BTN1A1: variants seen among roughly 807,000 people sequenced by gnomAD.
BTN1A1 encodes butyrophilin subfamily 1 member A1, also known as bK14H9.2 (butyrophilin, subfamily 1, member A1).
A neutral mutation model predicts 33.1 loss-of-function variants in BTN1A1; 26 were observed. The ratio of observed to expected loss-of-function variants is 0.79; its 90% CI spans 0.58 to 1.09. The LOEUF is 1.09. BTN1A1 is among the 50% of genes least tolerant of loss of function. The pLI is 0.00. For missense variants in BTN1A1, 558 were observed against 655.7 expected (o/e 0.85, Z 1.63); for synonymous variants, 235 against 256.2 (o/e 0.92, Z 0.79).
chr6:26,505,107 G>A lies in BTN1A1; in HGVS notation c.610G>A (p.Ala204Thr). The change falls in exon 4 of 8, where the codon GCT (alanine) becomes ACT (threonine). Residue 204 changes from alanine to threonine, a missense_variant. By Grantham distance (58) the Ala-to-Thr change is moderately conservative (BLOSUM62 0). Transcript: ENST00000684113. Reference protein sequence around the residue: ...PDEEGLFTVAASVIIRDTSAK... With the variant: ...PDEEGLFTVATSVIIRDTSAK... ...TGAAGAAGGTTTGTTCACTGTGGCT[G>A]CTTCAGTGATCATCAGAGACACTTC... is the stretch of plus-strand genomic sequence containing the variant. 6.2e-7 allele frequency: 1 copy of A among 1,614,204 alleles called. No homozygotes were observed. The highest frequency in any genetic ancestry group is 8.5e-7 in the Non-Finnish European group (1 of 1,180,012).
rs1467525315 is a variant in BTN1A1 at position 26,510,067 on chromosome 6, G to T, written c.*893G>T. The T allele has an allele frequency of 6.6e-6, 1 of 152,542 alleles. No individual in the cohort carries two copies. The highest frequency in any genetic ancestry group is 1.9e-4 in the East Asian group (1 of 5,192). 9.4% of individuals were successfully genotyped at this position (152,542 alleles called of 1,614,324 possible). On this transcript the variant is annotated 3_prime_UTR_variant, in exon 8 of 8. Coordinates refer to ENST00000684113, the MANE Select transcript of BTN1A1 (RefSeq NM_001732.3). ...CTTCAGTGATATCACCACTTGCTCA[G>T]TCACCATCTCAACCTTATGTCACCT...
Position 26,502,051 on chromosome 6 carries a change from T to A in BTN1A1, c.427+114T>A, listed in dbSNP as rs1196816400. Reference sequence around the variant, plus strand: ...ATTCTCAAAATCTCTTTTAGGTTGATGTCGCCGGGGAGGGACGACTATCTG... The same window carrying A: ...ATTCTCAAAATCTCTTTTAGGTTGAAGTCGCCGGGGAGGGACGACTATCTG... On this transcript the variant is annotated intron_variant, in intron 3 of 7. Coordinates refer to ENST00000684113, the MANE Select transcript of BTN1A1 (RefSeq NM_001732.3). 2.2e-6 allele frequency: 3 copies of A among 1,363,998 alleles called. No homozygotes were observed. The African/African-American group carries it at 4.4e-5, about 20-fold the overall frequency. The allele number at this position is 1,363,998 out of a possible 1,614,324, so 84.5% of individuals were successfully genotyped here. A position where few individuals can be genotyped will look rare whatever the true frequency, so the allele number is the denominator to read the frequency against.
At chr6:26,502,349 CTG>C (rs963247153) in intron 3 of BTN1A1, among the ~76,000 whole-genome samples, 7 of 152,284 alleles carry the variant, frequency 4.6e-5, no homozygotes, top group African/African-American at 1.7e-4. Context: ...GGAAGGATGA[CTG>C]TGAGTTATTT....
chr6:26,503,673 CATAG>C (rs964962351), intron 3 of BTN1A1, among the ~76,000 whole-genome samples: 1 of 148,384 alleles, frequency 6.7e-6, no homozygotes, highest in African/African-American at 2.5e-5. Context: ...TATATATATA[CATAG>C]ATATATATTC....
At chr6:26,502,330 T>C (rs1016489397) in intron 3 of BTN1A1, among the ~76,000 whole-genome samples, 2 of 152,150 alleles carry the variant, frequency 1.3e-5, no homozygotes, top group African/African-American at 2.4e-5. Flanking sequence ...TTGGTGATAG[T>C]TGGACACAGG....
intron 5 of BTN1A1, 129 bp downstream of exon 5, chr6:26,506,961 C>A: frequency 1.7e-6 from 2 of 1,179,816 alleles, no homozygotes; most frequent in Non-Finnish European, 2.4e-6. Flanking sequence ...TGGCTCACGC[C>A]TGTAATCCCA....
chr6:26,509,214 C>T lies in BTN1A1; in HGVS notation c.*40C>T, dbSNP rs774631812. ...CATCTGTTTTCCTTTCCTCTAACCC[C>T]TCTCCTCCATAGCCTTCTGAGGCTT... On this transcript the variant is annotated 3_prime_UTR_variant, in exon 8 of 8. Coordinates refer to ENST00000684113, the MANE Select transcript of BTN1A1 (RefSeq NM_001732.3). 1.2e-5 allele frequency: 19 copies of T among 1,528,592 alleles called. 1 individual carries two copies. In the East Asian group the frequency reaches 1.4e-4, roughly 11 times the overall value. 94.7% of individuals were successfully genotyped at this position (1,528,592 alleles called of 1,614,324 possible). A position where few individuals can be genotyped will look rare whatever the true frequency, so the allele number is the denominator to read the frequency against.
intron 4 of BTN1A1, among the ~76,000 whole-genome samples, chr6:26,505,937 T>C (rs565825428): frequency 1.3e-5 from 2 of 151,320 alleles, no homozygotes; most frequent in Admixed American, 1.3e-4. Context: ...GCCAACATGG[T>C]GAAACCCCGC....
At chr6:26,505,566 A>C (rs550016897) in intron 4 of BTN1A1, among the ~76,000 whole-genome samples, 3 of 152,284 alleles carry the variant, frequency 2.0e-5, no homozygotes, top group Non-Finnish European at 4.4e-5. Context: ...CTGGGACGAC[A>C]AGTGCACACC....
chr6:26,501,574 G>A lies in BTN1A1; in HGVS notation c.80-16G>A, dbSNP rs976077095. The stretch of plus-strand genomic sequence containing the variant: ...CCATCTCCACATCCCGTCTGATCCC[G>A]CTCGTTTTTCGGCAGCTCCCTTTGA... On this transcript the variant is annotated splice_polypyrimidine_tract_variant and intron_variant, in intron 2 of 7. Transcript: ENST00000684113. The surrounding 1 kb of genome is among the most constrained non-coding windows in gnomAD (Gnocchi z 5.2). The A allele has an allele frequency of 1.9e-6, 3 of 1,611,458 alleles. No homozygotes were observed. The highest frequency in any genetic ancestry group is 1.7e-4 in the Middle Eastern group (1 of 6,012).
In BTN1A1 at chr6:26,506,694, CCAAGGCTGA is replaced by C. The variant is rs1406888767; in HGVS notation, c.723_731del (p.Arg242_Thr244del). The C allele has an allele frequency of 1.2e-6, 2 of 1,613,894 alleles. No individual in the cohort carries two copies. Among genetic ancestry groups the C allele is most frequent in the Non-Finnish European group, 1.7e-6 (2 of 1,179,982 alleles). ...GGATTTTGTTTTAGCTTCCTCCCTC[CCAAGGCTGA>C]CTCCCTGGATAGTGGCTGTGGCTGT... On this transcript the variant is annotated inframe_deletion, in exon 5 of 8. Coordinates refer to ENST00000684113, the MANE Select transcript of BTN1A1 (RefSeq NM_001732.3).
At chr6:26,506,958 C>A (rs937016166) in intron 5 of BTN1A1, 126 bp downstream of exon 5, 2 of 1,186,590 alleles carry the variant, frequency 1.7e-6, no homozygotes, top group Admixed American at 4.3e-5. Flanking sequence ...TGGTGGCTCA[C>A]GCCTGTAATC....
chr6:26,502,927 G>A (rs928686593), intron 3 of BTN1A1, among the ~76,000 whole-genome samples: 2 of 152,188 alleles, frequency 1.3e-5, no homozygotes, highest in African/African-American at 2.4e-5. Flanking sequence ...AGGAAAGTAC[G>A]CATTGAGGTC....
At position 26,501,618 on chromosome 6, in the gene BTN1A1, G is replaced by A. The variant is rs772346719; in HGVS notation, c.108G>A (p.Glu36=). 1.2e-6 allele frequency: 2 copies of A among 1,613,830 alleles called. No individual in the cohort carries two copies. Among genetic ancestry groups the A allele is most frequent in the Middle Eastern group, 1.7e-4 (1 of 6,054 alleles). The change falls in exon 3 of 8, where the codon GAG becomes GAA. Residue 36 remains glutamate (E), a synonymous_variant. Transcript: ENST00000684113. This position sits in a 1 kb window ranked among gnomAD's most constrained non-coding sequence, Gnocchi z 5.2. ...SAPFDVIGPP[E]PILAVVGEDA... is the part of the protein sequence containing the mutation. ...CCTTTGACGTGATTGGACCCCCGGA[G>A]CCCATCCTGGCCGTTGTGGGTGAGG... is the stretch of plus-strand genomic sequence containing the variant.
chr6:26,510,008 T>C lies in BTN1A1; in HGVS notation c.*834T>C, dbSNP rs997339273. The C allele has an allele frequency of 6.6e-6, 1 of 152,382 alleles. No homozygotes were observed. The highest frequency in any genetic ancestry group is 2.4e-5 in the African/African-American group (1 of 41,428). 9.4% of individuals were successfully genotyped at this position (152,382 alleles called of 1,614,324 possible). ...TTGTCCTCTTCTTTTTGTTATAGCATCTCTCTATTTCAAAGACATTCCTAG... is the reference window on the plus strand; with the variant it reads ...TTGTCCTCTTCTTTTTGTTATAGCACCTCTCTATTTCAAAGACATTCCTAG... On this transcript the variant is annotated 3_prime_UTR_variant, in exon 8 of 8. Coordinates refer to ENST00000684113, the MANE Select transcript of BTN1A1 (RefSeq NM_001732.3).
rs752870082 is a variant in BTN1A1 at position 26,501,778 on chromosome 6, G to A, written c.268G>A (p.Glu90Lys). ...CGAGCAGGAAGCCGAGCAGATGCCC[G>A]AGTACCGCGGGCGGGCGACGCTGGT... ...GREQEAEQMP[E>K]YRGRATLVQD... The change falls in exon 3 of 8, where the codon GAG (glutamate) becomes AAG (lysine). Residue 90 changes from glutamate (E) to lysine (K), a missense_variant. Glu to Lys is a moderately conservative substitution (Grantham distance 56, BLOSUM62 1). Coordinates refer to ENST00000684113, the MANE Select transcript of BTN1A1 (RefSeq NM_001732.3). This position sits in a 1 kb window ranked among gnomAD's most constrained non-coding sequence, Gnocchi z 5.2. 3 of 1,613,646 alleles carry A rather than the reference G, an allele frequency of 1.9e-6. No individual in the cohort carries two copies. Among genetic ancestry groups the A allele is most frequent in the East Asian group, 4.5e-5 (2 of 44,882 alleles).
In BTN1A1 at chr6:26,508,689, G is replaced by A. The variant is rs1763904063; in HGVS notation, c.1096G>A (p.Asp366Asn). ...GCATTACTGGGAGGTGGAGGTGGGA[G>A]ACAGGACTGACTGGGCAATCGGCGT... ...GRHYWEVEVG[D>N]RTDWAIGVCR... Residue 366 changes from aspartate to asparagine, a missense_variant, in exon 8 of 8, where the codon GAC (aspartate) becomes AAC (asparagine). Physicochemically the swap from Asp to Asn is conservative, Grantham distance 23. Transcript: ENST00000684113. 1.2e-6 allele frequency: 2 copies of A among 1,614,198 alleles called. No individual in the cohort carries two copies. The highest frequency in any genetic ancestry group is 1.3e-5 in the African/African-American group (1 of 75,058).
chr6:26,508,458 G>C, intron 7 of BTN1A1, 43 bp from the exon 8 acceptor site: 4 of 1,560,110 alleles, frequency 2.6e-6, no homozygotes, highest in Non-Finnish European at 3.5e-6. Context: ...CCTGCAACCT[G>C]TAATATTCAC....
chr6:26,505,124 A>G lies in BTN1A1; in HGVS notation c.627A>G (p.Arg209=), dbSNP rs761049165. ...LFTVAASVII[R]DTSAKNVSCY... is the part of the protein sequence containing the mutation. Reference sequence around the variant, plus strand: ...CTGTGGCTGCTTCAGTGATCATCAGAGACACTTCTGCGAAAAATGTGTCCT... The same window carrying G: ...CTGTGGCTGCTTCAGTGATCATCAGGGACACTTCTGCGAAAAATGTGTCCT... The change falls in exon 4 of 8, where the codon AGA becomes AGG. Residue 209 remains arginine (R), a synonymous_variant. Coordinates refer to ENST00000684113, the MANE Select transcript of BTN1A1 (RefSeq NM_001732.3). The G allele has an allele frequency of 6.2e-7, 1 of 1,614,030 alleles. No individual in the cohort carries two copies. The highest frequency in any genetic ancestry group is 1.1e-5 in the South Asian group (1 of 91,074).
Sources: gnomAD v4.1 joint callset for allele counts (sites outside exome capture counted in the v4.1 genomes callset) on GRCh38, gnomAD v4.1.1 for gene constraint, Gnocchi (gnomAD v3.1) non-coding constraint, MANE v1.5 for transcripts, NCBI Gene and HGNC (gene_info 2026-07-23, HGNC 2026-07-21) for gene names.